The following JMJD1C variants were observed in gnomAD, a reference collection of about 807,000 sequenced individuals.
JMJD1C encodes the protein jumonji domain containing 1C, also known as jumonji domain-containing protein 1C.
A neutral mutation model predicts 245.3 loss-of-function variants in JMJD1C; 31 were observed. That is an observed-to-expected ratio of 0.13 (90% confidence interval 0.09 to 0.17). The LOEUF is 0.17. Among genes scored for constraint, JMJD1C ranks in the 10% least tolerant of loss-of-function variants. JMJD1C has a pLI of 1.00. For missense variants in JMJD1C, 2,691 were observed against 3,000.2 expected, an observed-to-expected ratio of 0.90 and a Z score of 2.41; for synonymous variants, 1,057 against 1,017.4, an observed-to-expected ratio of 1.04 and a Z score of -0.74.
chr10:63,457,953 A>G (rs1348358572), intron 1 of JMJD1C, among the ~76,000 whole-genome samples: 3 of 152,242 alleles, frequency 2.0e-5, no homozygotes, highest in African/African-American at 7.2e-5. Context: ...CATGTATTCT[A>G]TAATTAAATC....
intron 1 of JMJD1C, among the ~76,000 whole-genome samples, chr10:63,428,309 G>A (rs9414803): frequency 0.14 from 21,080 of 152,158 alleles, 2,102 homozygotes; most frequent in East Asian, 0.29. Flanking sequence ...ATTACACAGT[G>A]CCAGTAAAGA....
intron 10 of JMJD1C, among the ~76,000 whole-genome samples, 199 bp from the exon 11 acceptor site, chr10:63,200,876 A>G (rs1042652208): frequency 6.6e-6 from 1 of 152,238 alleles, no homozygotes; most frequent in Non-Finnish European, 1.5e-5. Flanking sequence ...AACCAATTCT[A>G]TTAACCAAAT....
intron 3 of JMJD1C, among the ~76,000 whole-genome samples, chr10:63,248,414 C>T (rs532491338): frequency 1.3e-4 from 19 of 151,892 alleles, no homozygotes; most frequent in South Asian, 4.2e-4. Context: ...CCAGCTACCC[C>T]GGAAGCCGAG....
Position 63,465,634 on chromosome 10 carries a change from A to G in JMJD1C, c.29T>C (p.Val10Ala). ...CGCCACACACAGGAACCGCTTACCCACCAGCTCTGCCCGCGTCTCTACCGC... is the reference window on the plus strand; with the variant it reads ...CGCCACACACAGGAACCGCTTACCCGCCAGCTCTGCCCGCGTCTCTACCGC... MAVETRAEL[V>A]GKRFLCVAVG... Residue 10 changes from valine to alanine, a missense_variant, in exon 1 of 26, where the codon GTG (valine) becomes GCG (alanine). By Grantham distance (64) the Val-to-Ala change is moderately conservative. Transcript: ENST00000399262. 6.2e-7 allele frequency: 1 copy of G among 1,609,270 alleles called. No individual in the cohort carries two copies. The highest frequency in any genetic ancestry group is 8.5e-7 in the Non-Finnish European group (1 of 1,179,808).
At chr10:63,491,811 C>T (rs921758991) in intron 1 of JMJD1C, among the ~76,000 whole-genome samples, 2 of 152,218 alleles carry the variant, frequency 1.3e-5, no homozygotes, top group African/African-American at 4.8e-5. Flanking sequence ...AGGCAACTTT[C>T]AGAGAGCTTT....
intron 2 of JMJD1C, among the ~76,000 whole-genome samples, chr10:63,340,679 T>C (rs1943288054): frequency 6.6e-6 from 1 of 152,188 alleles, no homozygotes; most frequent in Non-Finnish European, 1.5e-5. Flanking sequence ...GCGCAGTGGC[T>C]CACCCCTGTA....
intron 3 of JMJD1C, among the ~76,000 whole-genome samples, chr10:63,238,972 T>C (rs1851135485): frequency 6.6e-6 from 1 of 152,200 alleles, no homozygotes. Context: ...AAAGTATCTT[T>C]GTATCCTCTA....
intron 2 of JMJD1C, among the ~76,000 whole-genome samples, chr10:63,304,507 A>T (rs78400847): frequency 0.013 from 2,024 of 152,338 alleles, 30 homozygotes; most frequent in African/African-American, 0.034. Context: ...AAGACGTGGG[A>T]TTTAATTAAA....
At chr10:63,238,949 T>C (rs1851131584) in intron 3 of JMJD1C, among the ~76,000 whole-genome samples, 1 of 152,116 alleles carries the variant, frequency 6.6e-6, no homozygotes, top group African/African-American at 2.4e-5. Context: ...GACACACAAA[T>C]ACGATACAGA....
At chr10:63,486,895 T>C (rs1169090557) in intron 1 of JMJD1C, among the ~76,000 whole-genome samples, 2 of 152,160 alleles carry the variant, frequency 1.3e-5, no homozygotes, top group Non-Finnish European at 1.5e-5. Context: ...CTACACTAAG[T>C]ACCTTACATG....
At chr10:63,364,472 C>T (rs545662413) in intron 2 of JMJD1C, among the ~76,000 whole-genome samples, 2 of 152,118 alleles carry the variant, frequency 1.3e-5, no homozygotes, top group Admixed American at 6.5e-5. Context: ...TATCTTGGTG[C>T]GATTTTGGAG....
intron 2 of JMJD1C, among the ~76,000 whole-genome samples, chr10:63,294,726 T>TA (rs1859174621): frequency 6.6e-6 from 1 of 152,240 alleles, no homozygotes; most frequent in African/African-American, 2.4e-5. Context: ...AAAATAGTTT[T>TA]AACTTGTTAT....
rs922522156 is a variant in JMJD1C at position 63,515,988 on chromosome 10, C to T, written n.113+5750G>A. Among the ~76,000 whole-genome samples, 14 of 152,156 alleles carry T rather than the reference C, an allele frequency of 9.2e-5. No homozygotes were observed. The East Asian group carries it at 2.1e-3, about 23-fold the overall frequency. On this transcript the variant is annotated intron_variant and non_coding_transcript_variant, in intron 1 of 3. Transcript: ENST00000633035. Reference sequence around the variant, plus strand: ...TCTATGATTATGGTTTCTGATTTTACGACAGAAAGGTCCTCCTGCTATCAA... The same window carrying T: ...TCTATGATTATGGTTTCTGATTTTATGACAGAAAGGTCCTCCTGCTATCAA...
chr10:63,202,262 T>C (rs1435203656), intron 10 of JMJD1C: 11 of 977,498 alleles, frequency 1.1e-5, no homozygotes, highest in Non-Finnish European at 1.3e-5. Context: ...TAAAAATATA[T>C]ATAAATAAAA....
chr10:63,491,958 G>A (rs1193884375), intron 1 of JMJD1C, among the ~76,000 whole-genome samples: 2 of 152,216 alleles, frequency 1.3e-5, no homozygotes, highest in African/African-American at 2.4e-5. Context: ...AGAGCGGGGG[G>A]AATGCAACCT....
At chr10:63,424,497 C>CTTTTTTTTTTT (rs59823871) in intron 1 of JMJD1C, among the ~76,000 whole-genome samples, 542 of 103,382 alleles carry the variant, frequency 5.2e-3, no homozygotes, top group Middle Eastern at 8.8e-3. Context: ...ATTATTATTT[C>CTTTTTTTTTTT]TTTTTTTTTT....
At chr10:63,478,302 T>C (rs1380766240) in intron 1 of JMJD1C, among the ~76,000 whole-genome samples, 1 of 152,184 alleles carries the variant, frequency 6.6e-6, no homozygotes, top group East Asian at 1.9e-4. Flanking sequence ...AATAAAAACC[T>C]ATGTTCATAA....
At chr10:63,264,226 A>C (rs1855240052) in intron 3 of JMJD1C, among the ~76,000 whole-genome samples, 1 of 152,062 alleles carries the variant, frequency 6.6e-6, no homozygotes, top group Admixed American at 6.6e-5. Flanking sequence ...CAATCTAAAA[A>C]AATTTCCCCT....
intron 1 of JMJD1C, among the ~76,000 whole-genome samples, chr10:63,432,562 G>A (rs1171967100): frequency 2.0e-5 from 3 of 152,144 alleles, no homozygotes; most frequent in Admixed American, 1.3e-4. Flanking sequence ...ATGAGGAAAA[G>A]ACCAAGAGAA....
Sources: allele counts gnomAD v4.1 joint callset (sites outside exome capture counted in the v4.1 genomes callset), GRCh38; gene constraint gnomAD v4.1.1; transcripts MANE v1.5; gene names NCBI Gene and HGNC (gene_info 2026-07-23, HGNC 2026-07-21).